GRM7: variants seen among roughly 807,000 people sequenced by gnomAD.
The protein encoded by GRM7 is glutamate metabotropic receptor 7, also known as metabotropic glutamate receptor 7.
Under a neutral mutation model 84.5 loss-of-function variants are expected in GRM7, and 35 were observed. The observed-to-expected ratio is 0.41, with a 90% CI of 0.32 to 0.55. The LOEUF is 0.55. Among genes scored for constraint, GRM7 ranks in the 20% least tolerant of loss-of-function variants. The probability of loss-of-function intolerance (pLI) is 0.19; values close to 1 mark genes in which losing one functional copy is unlikely to be tolerated. For missense variants in GRM7, 1,003 were observed against 1,194.6 expected (o/e 0.84, Z 2.36); for synonymous variants, 487 against 455.1 (o/e 1.07, Z -0.89).
At chr3:7,194,009 T>C (rs545782660) in intron 2 of GRM7, among the ~76,000 whole-genome samples, 17 of 152,240 alleles carry the variant, frequency 1.1e-4, no homozygotes, top group African/African-American at 3.6e-4. Flanking sequence ...TAATACATAA[T>C]ACACAATAAA....
chr3:7,231,630 G>A (rs997453803), intron 2 of GRM7, among the ~76,000 whole-genome samples: 3 of 152,172 alleles, frequency 2.0e-5, no homozygotes, highest in Admixed American at 6.5e-5. Context: ...TATGATGTCT[G>A]AGGCATTGAT....
At chr3:7,279,500 T>C (rs1163936071) in intron 2 of GRM7, among the ~76,000 whole-genome samples, 1 of 151,744 alleles carries the variant, frequency 6.6e-6, no homozygotes, top group Non-Finnish European at 1.5e-5. Flanking sequence ...GCTCTGAGAG[T>C]TGACACCACA....
intron 8 of GRM7, among the ~76,000 whole-genome samples, chr3:7,620,495 A>C (rs1265275033): frequency 3.9e-5 from 6 of 152,174 alleles, no homozygotes; most frequent in Non-Finnish European, 8.8e-5. Flanking sequence ...AGAAAGCTAC[A>C]CTGAGGAGAG....
chr3:7,052,157 G>T (rs1697026057), intron 1 of GRM7, among the ~76,000 whole-genome samples: 1 of 151,664 alleles, frequency 6.6e-6, no homozygotes, highest in South Asian at 2.1e-4. Flanking sequence ...TGTTTGGACT[G>T]AAAATGTATT....
chr3:7,726,488 ATT>A (rs1160851544), intron 9 of GRM7, among the ~76,000 whole-genome samples: 5 of 150,908 alleles, frequency 3.3e-5, no homozygotes, highest in Non-Finnish European at 7.4e-5. Flanking sequence ...TTTATAAATC[ATT>A]TCTCCCTACA....
intron 1 of GRM7, among the ~76,000 whole-genome samples, chr3:7,017,551 G>T (rs1695610963): frequency 6.6e-6 from 1 of 152,114 alleles, no homozygotes; most frequent in South Asian, 2.1e-4. Flanking sequence ...TAATGCTGTG[G>T]CCATCATTTT....
intron 1 of GRM7, among the ~76,000 whole-genome samples, chr3:7,064,787 G>T (rs1182543987): frequency 6.6e-6 from 1 of 151,576 alleles, no homozygotes. Context: ...TTTCCATAGT[G>T]GCTGTACTAG....
intron 1 of GRM7, among the ~76,000 whole-genome samples, chr3:6,953,804 T>C (rs1305848610): frequency 6.6e-6 from 1 of 152,172 alleles, no homozygotes; most frequent in Non-Finnish European, 1.5e-5. Flanking sequence ...TTGGACTTCT[T>C]TGGGATTAGT....
At chr3:7,568,877 C>A (rs1003299632) in intron 7 of GRM7, among the ~76,000 whole-genome samples, 1 of 152,090 alleles carries the variant, frequency 6.6e-6, no homozygotes, top group African/African-American at 2.4e-5. Flanking sequence ...TGAGCGCCCC[C>A]CCTCCATGGG....
chr3:7,529,673 G>T (rs1003113937), intron 7 of GRM7, among the ~76,000 whole-genome samples: 2 of 151,952 alleles, frequency 1.3e-5, no homozygotes, highest in Non-Finnish European at 2.9e-5. Flanking sequence ...TTTGCATTTT[G>T]CTCAAGGTTC....
At chr3:7,497,216 T>G (rs1190306125) in intron 7 of GRM7, among the ~76,000 whole-genome samples, 1 of 152,012 alleles carries the variant, frequency 6.6e-6, no homozygotes, top group Non-Finnish European at 1.5e-5. Context: ...ATGAGCTACT[T>G]TCAGTCATGT....
At chr3:7,442,528 T>C (rs964387033) in intron 5 of GRM7, among the ~76,000 whole-genome samples, 1 of 152,066 alleles carries the variant, frequency 6.6e-6, no homozygotes, top group Non-Finnish European at 1.5e-5. Flanking sequence ...AAACTGATGG[T>C]TCTGAAATGT....
At chr3:7,738,100 C>T (rs757604721) in intron 9 of GRM7, among the ~76,000 whole-genome samples, 4 of 152,090 alleles carry the variant, frequency 2.6e-5, no homozygotes, top group Non-Finnish European at 4.4e-5. Context: ...CCACCCGTCT[C>T]GGCCTCCCAA....
At chr3:7,621,316 T>C (rs998967393) in intron 8 of GRM7, among the ~76,000 whole-genome samples, 1 of 152,072 alleles carries the variant, frequency 6.6e-6, no homozygotes, top group African/African-American at 2.4e-5. Context: ...GCCATGCTTG[T>C]TTTAGGAATT....
chr3:7,077,618 T>G (rs999748105), intron 1 of GRM7, among the ~76,000 whole-genome samples: 4 of 151,938 alleles, frequency 2.6e-5, no homozygotes. Flanking sequence ...AAATACCTAG[T>G]GTAGATGATG....
At chr3:6,993,702 C>A (rs1694730713) in intron 1 of GRM7, among the ~76,000 whole-genome samples, 1 of 152,120 alleles carries the variant, frequency 6.6e-6, no homozygotes. Context: ...AGCTAAGCAA[C>A]TATGTTGGTC....
At chr3:7,104,296 A>C (rs1699227510) in intron 1 of GRM7, among the ~76,000 whole-genome samples, 1 of 151,582 alleles carries the variant, frequency 6.6e-6, no homozygotes, top group Non-Finnish European at 1.5e-5. Flanking sequence ...ACCTCTGCAC[A>C]CCAAGCAGAG....
intron 1 of GRM7, among the ~76,000 whole-genome samples, chr3:6,943,363 T>C (rs1697955180): frequency 6.6e-6 from 1 of 151,998 alleles, no homozygotes; most frequent in African/African-American, 2.4e-5. Flanking sequence ...AGTCTATTTT[T>C]CATTAATTTT....
intron 5 of GRM7, among the ~76,000 whole-genome samples, chr3:7,419,803 G>T (rs1696322157): frequency 6.6e-6 from 1 of 152,162 alleles, no homozygotes; most frequent in Non-Finnish European, 1.5e-5. Flanking sequence ...AACATTCAGA[G>T]ATTTGTTTTT....
Sources: allele counts gnomAD v4.1 joint callset (sites outside exome capture counted in the v4.1 genomes callset), GRCh38; gene constraint gnomAD v4.1.1; transcripts MANE v1.5; gene names NCBI Gene and HGNC (gene_info 2026-07-23, HGNC 2026-07-21).